RAB36: variants seen among roughly 807,000 people sequenced by gnomAD.
RAB36 encodes RAB36, member RAS oncogene family.
A neutral mutation model predicts 39.3 loss-of-function variants in RAB36; 33 were observed. The ratio of observed to expected loss-of-function variants is 0.84; its 90% CI spans 0.64 to 1.12. RAB36 has a LOEUF of 1.12. Among genes scored for constraint, RAB36 ranks in the 50% most tolerant of loss-of-function variants. RAB36 has a pLI of 0.00. For synonymous variants in RAB36, 133 were observed against 140.2 expected, an observed-to-expected ratio of 0.95 and a Z score of 0.36; for missense variants, 308 against 355.3, an observed-to-expected ratio of 0.87 and a Z score of 1.07.
At chr22:23,150,278 G>A (rs1356272944) in intron 3 of RAB36, 124 bp downstream of exon 3, 17 of 694,608 alleles carry the variant, frequency 2.4e-5, no homozygotes, top group Admixed American at 8.6e-5. Flanking sequence ...CAGGCCTGAA[G>A]ATGACTGGGG....
downstream of RAB36, among the ~76,000 whole-genome samples, chr22:23,166,400 A>T (rs999549469): frequency 3.3e-5 from 5 of 151,738 alleles, no homozygotes; most frequent in Non-Finnish European, 5.9e-5. Flanking sequence ...GGGAGAGAGT[A>T]AGATGAAGGG....
Position 23,158,048 on chromosome 22 carries a change from G to T in RAB36, c.446+5G>T. The T allele has an allele frequency of 6.2e-7, 1 of 1,614,134 alleles. No individual in the cohort carries two copies. Among genetic ancestry groups the T allele is most frequent in the Non-Finnish European group, 8.5e-7 (1 of 1,179,984 alleles). On this transcript the variant is annotated splice_donor_5th_base_variant and intron_variant, in intron 7 of 10. Coordinates refer to ENST00000263116, the MANE Select transcript of RAB36 (RefSeq NM_004914.5). ...GCAGACCCTGGAGCATACCAGGTAA[G>T]TCTGGGCTCTCTGGCCCCTGCAGTC...
chr22:23,146,534 G>A (rs2070783482), intron 1 of RAB36, 71 bp from the exon 2 acceptor site: 1 of 1,565,858 alleles, frequency 6.4e-7, no homozygotes, highest in African/African-American at 1.4e-5. Context: ...AAAGTTAGGT[G>A]GAAACTCATG....
chr22:23,147,012 C>T (rs954667261), intron 2 of RAB36, among the ~76,000 whole-genome samples: 1 of 152,182 alleles, frequency 6.6e-6, no homozygotes, highest in African/African-American at 2.4e-5. Flanking sequence ...GCCACTGTTA[C>T]ATGAAGGTAA....
rs1195092050 is a variant in RAB36, at chr22:23,159,395, TGCTGTGCTG to T, written c.619+144_619+152del. The T allele has an allele frequency of 1.5e-5, 12 of 815,980 alleles. No homozygotes were observed. In the East Asian group the frequency reaches 2.7e-4, roughly 18 times the overall value. 50.5% of individuals were successfully genotyped at this position (815,980 alleles called of 1,614,324 possible). A position where few individuals can be genotyped will look rare whatever the true frequency, so the allele number is the denominator to read the frequency against. ...CTGGTGCACACTGGCATCACAGCCC[TGCTGTGCTG>T]GTGCCTGGCAGCACTTTCATTGCCT... On this transcript the variant is annotated intron_variant, in intron 9 of 10. Coordinates refer to ENST00000263116, the MANE Select transcript of RAB36 (RefSeq NM_004914.5).
At chr22:23,149,104 G>A (rs776231521) in intron 2 of RAB36, among the ~76,000 whole-genome samples, 5 of 151,416 alleles carry the variant, frequency 3.3e-5, no homozygotes, top group African/African-American at 4.9e-5. Context: ...GGCAGAGCCC[G>A]AATCCATGGT....
At chr22:23,161,266 G>A (rs1379340626) in intron 10 of RAB36, among the ~76,000 whole-genome samples, 1 of 152,090 alleles carries the variant, frequency 6.6e-6, no homozygotes, top group African/African-American at 2.4e-5. Context: ...CCCAGGCTGG[G>A]CGTCCCAGGC....
Position 23,152,467 on chromosome 22 carries a change from A to G in RAB36, c.168A>G (p.Lys56=). ...QRRNTGTVGL[K]LSKVVVVGDL... ...ACGGCCATATTTCTCACAGGCTCAAACTCTCCAAGGTGGTGGTGGTTGGCG... is the reference window on the plus strand; with the variant it reads ...ACGGCCATATTTCTCACAGGCTCAAGCTCTCCAAGGTGGTGGTGGTTGGCG... The change falls in exon 4 of 11, where the codon AAA becomes AAG. Residue 56 remains lysine (K), a synonymous_variant. Transcript: ENST00000263116. 1 of 1,613,996 alleles carries G rather than the reference A, an allele frequency of 6.2e-7. No homozygotes were observed. The highest frequency in any genetic ancestry group is 1.6e-4 in the Middle Eastern group (1 of 6,062).
Position 23,153,082 on chromosome 22 carries a change from G to A in RAB36, c.277G>A (p.Asp93Asn), listed in dbSNP as rs1569209479. Residue 93 changes from aspartate to asparagine, a missense_variant, in exon 5 of 11, where the codon GAC (aspartate) becomes AAC (asparagine). Transcript: ENST00000263116. ...DRDYKATIGV[D>N]FEIERFEIAG... ...AGACTACAAGGCCACCATTGGGGTG[G>A]ACTTTGAAATTGAGCGCTTTGAGAT... 2.5e-6 allele frequency: 4 copies of A among 1,614,152 alleles called. No homozygotes were observed. Among genetic ancestry groups the A allele is most frequent in the Non-Finnish European group, 3.4e-6 (4 of 1,180,030 alleles).
At chr22:23,154,923 C>T (rs903930544) in intron 5 of RAB36, among the ~76,000 whole-genome samples, 1 of 152,098 alleles carries the variant, frequency 6.6e-6, no homozygotes, top group African/African-American at 2.4e-5. Flanking sequence ...GTCAGGAGTT[C>T]GAGACCAGCC....
chr22:23,164,211 C>A lies in RAB36; in HGVS notation c.*2647C>A, dbSNP rs1302519657. On this transcript the variant is annotated 3_prime_UTR_variant, in exon 11 of 11. Coordinates refer to ENST00000263116, the MANE Select transcript of RAB36 (RefSeq NM_004914.5). ...TTCTCCACAGCTCCCTTCCCTTGCCCCTTCGGGCCTCCAGGATATGTTTGC... is the reference window on the plus strand; with the variant it reads ...TTCTCCACAGCTCCCTTCCCTTGCCACTTCGGGCCTCCAGGATATGTTTGC... 1.3e-5 allele frequency: 2 copies of A among 152,326 alleles called. No individual in the cohort carries two copies. Among genetic ancestry groups the A allele is most frequent in the Non-Finnish European group, 2.9e-5 (2 of 68,112 alleles). 9.4% of individuals were successfully genotyped at this position (152,326 alleles called of 1,614,324 possible).
rs1036442745 is a variant in RAB36, at chr22:23,164,667, C to T, written c.*3103C>T. 2.6e-5 allele frequency among the ~76,000 whole-genome samples: 4 copies of T among 152,186 alleles called. No homozygotes were observed. The highest frequency in any genetic ancestry group is 2.9e-5 in the Non-Finnish European group (2 of 68,040). ...CAAGCAGCCCCCTGCAGCCAAGGTG[C>T]GGCAATGACCACAGTGACCGCGTCC... On this transcript the variant is annotated 3_prime_UTR_variant, in exon 11 of 11. Transcript: ENST00000263116.
Position 23,162,518 on chromosome 22 carries a change from AG to A in RAB36, c.*955del. The A allele has an allele frequency of 4.8e-6, 2 of 413,708 alleles. No individual in the cohort carries two copies. The allele number at this position is 413,708 out of a possible 1,614,324, so 25.6% of individuals were successfully genotyped here. A position where few individuals can be genotyped will look rare whatever the true frequency, so the allele number is the denominator to read the frequency against. ...TGTCCATGCACCTTTAGAGGACTTC[AG>A]AGGCCCTGCCAAGTCTAGCATGTTC... On this transcript the variant is annotated 3_prime_UTR_variant, in exon 11 of 11. Transcript: ENST00000263116.
downstream of RAB36, among the ~76,000 whole-genome samples, chr22:23,167,200 G>A (rs2072067596): frequency 6.6e-6 from 1 of 152,142 alleles, no homozygotes; most frequent in East Asian, 1.9e-4. Flanking sequence ...CTCTCAGTCA[G>A]TTGCCCCAGC....
chr22:23,151,137 G>A (rs935926137), intron 3 of RAB36, among the ~76,000 whole-genome samples: 12 of 152,374 alleles, frequency 7.9e-5, no homozygotes, highest in Non-Finnish European at 1.8e-4. Flanking sequence ...AGCGCAGCTA[G>A]AGGTTCCCAA....
intron 1 of RAB36, 93 bp downstream of exon 1, chr22:23,145,644 G>A (rs2070721536): frequency 7.3e-7 from 1 of 1,362,040 alleles, no homozygotes; most frequent in South Asian, 1.3e-5. Flanking sequence ...CACAGCGTCC[G>A]CGCCCACTTC....
downstream of RAB36, among the ~76,000 whole-genome samples, chr22:23,168,451 G>C (rs114372517): frequency 8.2e-3 from 1,255 of 152,288 alleles, 11 homozygotes; most frequent in African/African-American, 0.029. Flanking sequence ...TCCTGAGGGA[G>C]AAGCGGCTCC....
Position 23,162,388 on chromosome 22 carries a change from A to C in RAB36, c.*824A>C. ...AGGGTAACTCACTCTGCAGCCCTTG[A>C]ACATGGCACTGCCCTCCTCTGGCAC... On this transcript the variant is annotated 3_prime_UTR_variant, in exon 11 of 11. Transcript: ENST00000263116. 2.9e-6 allele frequency: 1 copy of C among 344,824 alleles called. No homozygotes were observed. Among genetic ancestry groups the C allele is most frequent in the Admixed American group, 3.8e-5 (1 of 26,170 alleles). 21.4% of individuals were successfully genotyped at this position (344,824 alleles called of 1,614,324 possible). A position where few individuals can be genotyped will look rare whatever the true frequency, so the allele number is the denominator to read the frequency against.
In RAB36 at chr22:23,152,433, G is replaced by A. The variant is rs180742985; in HGVS notation, c.162-28G>A. 1.6e-5 allele frequency: 26 copies of A among 1,613,610 alleles called. No homozygotes were observed. In the Admixed American group the frequency reaches 2.7e-4, roughly 17 times the overall value. On this transcript the variant is annotated intron_variant, in intron 3 of 10. Transcript: ENST00000263116. ...TGAAGACACCCTGGAAGGCATGCCC[G>A]ACGGCAACACGGCCATATTTCTCAC...
Sources: allele counts gnomAD v4.1 joint callset (sites outside exome capture counted in the v4.1 genomes callset), GRCh38; gene constraint gnomAD v4.1.1; transcripts MANE v1.5; gene names NCBI Gene and HGNC (gene_info 2026-07-23, HGNC 2026-07-21).